Variants in ASCL5 observed in about 807,000 individuals in gnomAD.
The protein encoded by ASCL5 is achaete-scute homolog 5.
For synonymous variants in ASCL5, 124 were observed against 131.5 expected (o/e 0.94, Z 0.39); for missense variants, 262 against 268.9 (o/e 0.97, Z 0.18).
chr1:201,114,958 G>A lies in ASCL5; in HGVS notation c.415C>T (p.Leu139=). 1 of 1,231,414 alleles carries A rather than the reference G, an allele frequency of 8.1e-7. No homozygotes were observed. 76.3% of individuals were successfully genotyped at this position (1,231,414 alleles called of 1,614,324 possible). Residue 139 remains leucine, a synonymous_variant, in exon 2 of 2, where the codon CTG becomes TTG. Transcript: ENST00000449188. ...GTCGAGCCGTCGGGGGCCGAGCTCA[G>A]CAGCTCTTGCAGGTACTTTATGTAG... ...IRYIKYLQEL[L]SSAPDGSTPP... is the part of the protein sequence containing the mutation.
rs1663321978 is a variant in ASCL5, at chr1:201,115,522, G to A, written c.-150C>T. ...CTAGGGCCTCTTTTCGCCCTTTAGG[G>A]TGGCTTCCAATGACTCCCTAACAAG... On this transcript the variant is annotated 5_prime_UTR_variant, in exon 2 of 2. Coordinates refer to ENST00000449188, the MANE Select transcript of ASCL5 (RefSeq NM_001270601.2). 4 of 548,782 alleles carry A rather than the reference G, an allele frequency of 7.3e-6. No homozygotes were observed. The highest frequency in any genetic ancestry group is 8.8e-5 in the Admixed American group (2 of 22,838). The allele number at this position is 548,782 out of a possible 1,614,324, so 34.0% of individuals were successfully genotyped here.
chr1:201,117,930 A>T (rs1373864764), intron 1 of ASCL5, among the ~76,000 whole-genome samples: 1 of 152,102 alleles, frequency 6.6e-6, no homozygotes, highest in East Asian at 1.9e-4. Flanking sequence ...TCCAGACTAC[A>T]CTCTCCCATA....
chr1:201,126,399 G>A (rs979801546), intron 1 of ASCL5, among the ~76,000 whole-genome samples: 7 of 152,238 alleles, frequency 4.6e-5, no homozygotes, highest in African/African-American at 1.4e-4. Context: ...ACTGTGTCCC[G>A]CCCTCCCTTA....
chr1:201,118,714 T>C (rs562266483), intron 1 of ASCL5, among the ~76,000 whole-genome samples: 61 of 152,182 alleles, frequency 4.0e-4, no homozygotes, highest in African/African-American at 1.3e-3. Flanking sequence ...CAAACAAACA[T>C]TGTAGTGAAA....
chr1:201,114,951 G>A lies in ASCL5; in HGVS notation c.422C>T (p.Ser141Leu). The A allele has an allele frequency of 8.1e-7, 1 of 1,231,388 alleles. No individual in the cohort carries two copies. The highest frequency in any genetic ancestry group is 1.0e-6 in the Non-Finnish European group (1 of 987,774). The allele number at this position is 1,231,388 out of a possible 1,614,324, so 76.3% of individuals were successfully genotyped here. ...GGGGGGCGTCGAGCCGTCGGGGGCC[G>A]AGCTCAGCAGCTCTTGCAGGTACTT... ...YIKYLQELLS[S>L]APDGSTPPAS... Residue 141 changes from serine (S) to leucine (L), a missense_variant, in exon 2 of 2, where the codon TCG becomes TTG. Physicochemically the swap from Ser to Leu is moderately radical, Grantham distance 145. Transcript: ENST00000449188.
intron 1 of ASCL5, among the ~76,000 whole-genome samples, chr1:201,118,533 T>C (rs534412901): frequency 4.7e-5 from 7 of 148,016 alleles, no homozygotes; most frequent in Admixed American, 3.3e-4. Context: ...CAAGATACCA[T>C]AGGGGGGTAC....
intron 1 of ASCL5, among the ~76,000 whole-genome samples, chr1:201,122,817 G>A (rs920756677): frequency 2.0e-5 from 3 of 152,146 alleles, no homozygotes; most frequent in Non-Finnish European, 4.4e-5. Context: ...TAAACTGGCC[G>A]GGATGAATCC....
In ASCL5 at chr1:201,124,281, G is replaced by C. The variant is rs117583725; in HGVS notation, c.-506+2803C>G. Among the ~76,000 whole-genome samples the C allele has an allele frequency of 8.4e-4, 128 of 152,290 alleles. 1 individual carries two copies. In the East Asian group the frequency reaches 0.023, roughly 28 times the overall value. On this transcript the variant is annotated intron_variant, in intron 1 of 1. Transcript: ENST00000449188. ...GTCAGCCTCAGAGCTGGGTTCACAGGCTAGGAAGCTAGGGAGGCTGGGGTT... is the reference window on the plus strand; with the variant it reads ...GTCAGCCTCAGAGCTGGGTTCACAGCCTAGGAAGCTAGGGAGGCTGGGGTT...
chr1:201,122,631 C>T, intron 1 of ASCL5, among the ~76,000 whole-genome samples: 1 of 152,130 alleles, frequency 6.6e-6, no homozygotes, highest in East Asian at 1.9e-4. Context: ...CAGCGGTCCC[C>T]ACCTTTTTTA....
Position 201,115,040 on chromosome 1 carries a change from G to C in ASCL5, c.333C>G (p.Pro111=). 8.1e-7 allele frequency: 1 copy of C among 1,232,074 alleles called. No individual in the cohort carries two copies. Among genetic ancestry groups the C allele is most frequent in the Non-Finnish European group, 1.0e-6 (1 of 988,272 alleles). 76.3% of individuals were successfully genotyped at this position (1,232,074 alleles called of 1,614,324 possible). ...EGYARLRGHL[P]GALAEKRLSK... ...TGAGTCGCTTCTCAGCCAGGGCGCC[G>C]GGGAGGTGGCCGCGGAGGCGAGCGT... The change falls in exon 2 of 2, where the codon CCC becomes CCG. Residue 111 remains proline (P), a synonymous_variant. Coordinates refer to ENST00000449188, the MANE Select transcript of ASCL5 (RefSeq NM_001270601.2).
At chr1:201,123,769 C>G (rs1663526842) in intron 1 of ASCL5, among the ~76,000 whole-genome samples, 1 of 152,312 alleles carries the variant, frequency 6.6e-6, no homozygotes, top group South Asian at 2.1e-4. Flanking sequence ...CTCAGGAGCC[C>G]GACACCTGGA....
chr1:201,115,211 C>T lies in ASCL5; in HGVS notation c.162G>A (p.Pro54=). Residue 54 remains proline (P), a synonymous_variant, in exon 2 of 2, where the codon CCG becomes CCA. Coordinates refer to ENST00000449188, the MANE Select transcript of ASCL5 (RefSeq NM_001270601.2). The part of the protein sequence containing the change: ...PFLLYPGPAE[P]PYYDAYAGVF... ...CCCCCGCATAGGCGTCGTAGTAGGG[C>T]GGCTCTGCTGGGCCCGGGTACAGCA... The T allele has an allele frequency of 2.4e-6, 3 of 1,231,424 alleles. No individual in the cohort carries two copies. The highest frequency in any genetic ancestry group is 3.0e-6 in the Non-Finnish European group (3 of 987,862). 76.3% of individuals were successfully genotyped at this position (1,231,424 alleles called of 1,614,324 possible). A position where few individuals can be genotyped will look rare whatever the true frequency, so the allele number is the denominator to read the frequency against.
chr1:201,115,138 G>T lies in ASCL5; in HGVS notation c.235C>A (p.Pro79Thr). Residue 79 changes from proline to threonine, a missense_variant, in exon 2 of 2, where the codon CCC (proline) becomes ACC (threonine). Physicochemically the swap from Pro to Thr is conservative, Grantham distance 38 (BLOSUM62 -1). Transcript: ENST00000449188. Reference sequence around the variant, plus strand: ...TTCTGGATGAAGGCTGGCTCGAAGGGGTATTCGTAGACCCCGAAGGCGCCG... The same window carrying T: ...TTCTGGATGAAGGCTGGCTCGAAGGTGTATTCGTAGACCCCGAAGGCGCCG... Reference protein sequence around the residue: ...FPGAFGVYEYPFEPAFIQKRN... With the variant: ...FPGAFGVYEYTFEPAFIQKRN... 1 of 1,231,720 alleles carries T rather than the reference G, an allele frequency of 8.1e-7. No homozygotes were observed. Among genetic ancestry groups the T allele is most frequent in the Non-Finnish European group, 1.0e-6 (1 of 987,976 alleles). 76.3% of individuals were successfully genotyped at this position (1,231,720 alleles called of 1,614,324 possible).
chr1:201,122,073 G>A (rs960358531), intron 1 of ASCL5, among the ~76,000 whole-genome samples: 3 of 152,198 alleles, frequency 2.0e-5, no homozygotes, highest in Admixed American at 6.5e-5. Context: ...AGCCCACATG[G>A]CACCTTGCTG....
intron 1 of ASCL5, among the ~76,000 whole-genome samples, chr1:201,121,570 C>T (rs191245236): frequency 1.3e-5 from 2 of 152,226 alleles, no homozygotes; most frequent in East Asian, 3.9e-4. Flanking sequence ...ATTAAGCAGG[C>T]CATCTTTTTA....
Position 201,115,089 on chromosome 1 carries a change from CGCT to C in ASCL5, c.281_283del (p.Gln94del). 1 of 1,231,854 alleles carries C rather than the reference CGCT, an allele frequency of 8.1e-7. No homozygotes were observed. Among genetic ancestry groups the C allele is most frequent in the Non-Finnish European group, 1.0e-6 (1 of 988,080 alleles). The allele number at this position is 1,231,854 out of a possible 1,614,324, so 76.3% of individuals were successfully genotyped here. A position where few individuals can be genotyped will look rare whatever the true frequency, so the allele number is the denominator to read the frequency against. On this transcript the variant is annotated inframe_deletion, in exon 2 of 2. Transcript: ENST00000449188. ...GTAGCCCTCGTTGACGCACTTGACT[CGCT>C]GCCTCTCGCGCTCGTTGCGCTTCTG...
chr1:201,122,862 C>G (rs1218590042), intron 1 of ASCL5, among the ~76,000 whole-genome samples: 1 of 152,154 alleles, frequency 6.6e-6, no homozygotes, highest in Non-Finnish European at 1.5e-5. Flanking sequence ...AGCTTTAGGC[C>G]AGTTACTGAC....
chr1:201,125,504 C>G (rs1283294896), intron 1 of ASCL5, among the ~76,000 whole-genome samples: 1 of 152,158 alleles, frequency 6.6e-6, no homozygotes, highest in African/African-American at 2.4e-5. Flanking sequence ...CTGTTTGGGT[C>G]TTTCTTTGTC....
At chr1:201,124,198 A>T (rs559965008) in intron 1 of ASCL5, among the ~76,000 whole-genome samples, 16 of 152,378 alleles carry the variant, frequency 1.1e-4, no homozygotes, top group Admixed American at 4.6e-4. Context: ...TCTGCAGATG[A>T]AATCAGTTTG....
Sources: allele counts gnomAD v4.1 joint callset (sites outside exome capture counted in the v4.1 genomes callset), GRCh38; gene constraint gnomAD v4.1.1; transcripts MANE v1.5; gene names NCBI Gene and HGNC (gene_info 2026-07-23, HGNC 2026-07-21).